Variants in SNX29 observed in about 807,000 individuals in gnomAD.
SNX29 encodes the protein sorting nexin-29.
SNX29 carries 78 observed loss-of-function variants against 102.1 expected under a neutral mutation model. That is an observed-to-expected ratio of 0.76 (90% confidence interval 0.64 to 0.92). The LOEUF (loss-of-function observed/expected upper bound fraction) is 0.92. Ranked by LOEUF, SNX29 falls within the 40% of genes least tolerant of loss-of-function variation. The pLI is 0.00. For missense variants in SNX29, 1,280 were observed against 1,061.7 expected (o/e 1.21, Z -2.86); for synonymous variants, 580 against 414.5 (o/e 1.40, Z -4.85).
At chr16:12,547,655 C>G (rs1242291543) in intron 20 of SNX29, among the ~76,000 whole-genome samples, 1 of 152,112 alleles carries the variant, frequency 6.6e-6, no homozygotes, top group African/African-American at 2.4e-5. Flanking sequence ...GATTCCCACC[C>G]CAAGCACCAT....
At chr16:12,205,130 A>G (rs981370270) in intron 14 of SNX29, among the ~76,000 whole-genome samples, 1 of 152,190 alleles carries the variant, frequency 6.6e-6, no homozygotes, top group African/African-American at 2.4e-5. Context: ...AATGATTCCT[A>G]GAGCCCACAG....
intron 3 of SNX29, among the ~76,000 whole-genome samples, chr16:12,027,041 G>A (rs551507402): frequency 1.4e-4 from 21 of 152,212 alleles, no homozygotes; most frequent in African/African-American, 4.1e-4. Context: ...GCTGGCACCC[G>A]TCCCTGTTCC....
rs556637666 is a variant in SNX29, at chr16:12,545,555, G to T, written c.2318+20714G>T. 3 of 152,360 alleles carry T rather than the reference G, an allele frequency of 2.0e-5. No homozygotes were observed. The East Asian group carries it at 5.8e-4, about 30-fold the overall frequency. The allele number at this position is 152,360 out of a possible 1,614,324, so 9.4% of individuals were successfully genotyped here. On this transcript the variant is annotated intron_variant, in intron 20 of 20. Coordinates refer to ENST00000566228, the MANE Select transcript of SNX29 (RefSeq NM_032167.5). ...CCTTTGCCAGCAGACGACTTATGGA[G>T]AAACGTTTGAGTAGATGGAGGAACC...
At chr16:12,404,278 G>T (rs1411126148) in intron 18 of SNX29, among the ~76,000 whole-genome samples, 2 of 152,168 alleles carry the variant, frequency 1.3e-5, no homozygotes, top group Admixed American at 1.3e-4. Flanking sequence ...AGTGTCTGGG[G>T]CAGCGAAATG....
chr16:12,305,440 C>A, intron 15 of SNX29, among the ~76,000 whole-genome samples: 1 of 152,210 alleles, frequency 6.6e-6, no homozygotes, highest in East Asian at 1.9e-4. Context: ...CTGCCAGTGA[C>A]TGTGACACTG....
chr16:12,161,483 G>T (rs1449110122), intron 13 of SNX29, among the ~76,000 whole-genome samples: 2 of 152,210 alleles, frequency 1.3e-5, no homozygotes, highest in Non-Finnish European at 2.9e-5. Context: ...CTGCCCAATT[G>T]ATGCTGGGCT....
At chr16:12,238,873 C>A (rs898046105) in intron 14 of SNX29, among the ~76,000 whole-genome samples, 1 of 152,214 alleles carries the variant, frequency 6.6e-6, no homozygotes, top group African/African-American at 2.4e-5. Context: ...GCTCTACCAT[C>A]CTTAGCTGTG....
intron 3 of SNX29, 33 bp downstream of exon 3, chr16:12,003,076 CGAGGTTGGAAAG>C: frequency 6.2e-7 from 1 of 1,613,618 alleles, no homozygotes; most frequent in East Asian, 2.2e-5. Flanking sequence ...CGTTGACCAT[CGAGGTTGGAAAG>C]GCGGCAGAAG....
At chr16:11,992,202 G>GCAC (rs1262467101) in intron 1 of SNX29, among the ~76,000 whole-genome samples, 1 of 152,138 alleles carries the variant, frequency 6.6e-6, no homozygotes, top group Non-Finnish European at 1.5e-5. Flanking sequence ...GCTGAGGTGG[G>GCAC]AGGACTGCTT....
intron 1 of SNX29, among the ~76,000 whole-genome samples, chr16:11,981,034 C>G (rs28600123): frequency 2.0e-5 from 3 of 150,814 alleles, no homozygotes; most frequent in Non-Finnish European, 2.9e-5. Context: ...AGTGAGAAAT[C>G]TCGTCTCACT....
In SNX29 at chr16:12,570,740, A is replaced by C. The variant is rs2079170040; in HGVS notation, c.*2111A>C. On this transcript the variant is annotated 3_prime_UTR_variant, in exon 21 of 21. Transcript: ENST00000566228. The stretch of plus-strand genomic sequence containing the variant: ...GAATTGGTCTCTCTCCAGATACCCC[A>C]CGAGGAAGCACCTTGGACATTCTGC... The C allele has an allele frequency of 4.3e-6, 1 of 232,098 alleles. No homozygotes were observed. 14.4% of individuals were successfully genotyped at this position (232,098 alleles called of 1,614,324 possible). A position where few individuals can be genotyped will look rare whatever the true frequency, so the allele number is the denominator to read the frequency against.
chr16:12,387,942 T>C (rs1261622267), intron 16 of SNX29, among the ~76,000 whole-genome samples: 1 of 152,216 alleles, frequency 6.6e-6, no homozygotes, highest in Non-Finnish European at 1.5e-5. Context: ...TTTGCTTTTA[T>C]CTGCAAATTA....
At chr16:12,423,324 C>G (rs2084939448) in intron 18 of SNX29, among the ~76,000 whole-genome samples, 2 of 152,244 alleles carry the variant, frequency 1.3e-5, no homozygotes, top group East Asian at 3.9e-4. Context: ...GGCTCACAGA[C>G]CGTCTCTACC....
At chr16:12,567,510 C>T (rs1208376840) in intron 20 of SNX29, among the ~76,000 whole-genome samples, 6 of 152,162 alleles carry the variant, frequency 3.9e-5, no homozygotes, top group Admixed American at 1.3e-4. Context: ...ATTGGCCAGG[C>T]ACAGTGGCTC....
At chr16:12,139,979 TCAA>T (rs1196479434) in intron 13 of SNX29, among the ~76,000 whole-genome samples, 6 of 63,058 alleles carry the variant, frequency 9.5e-5, no homozygotes, top group African/African-American at 3.2e-4. Flanking sequence ...ATACCCTGTC[TCAA>T]AAAAAAAAAA....
chr16:12,518,314 C>G (rs1000238079), intron 19 of SNX29, among the ~76,000 whole-genome samples: 18 of 152,176 alleles, frequency 1.2e-4, no homozygotes, highest in African/African-American at 3.9e-4. Context: ...TACTGCTGCT[C>G]ACACTGCAGT....
intron 3 of SNX29, among the ~76,000 whole-genome samples, chr16:12,018,585 GA>G (rs1332146892): frequency 4.7e-4 from 64 of 137,378 alleles, no homozygotes; most frequent in South Asian, 6.9e-4. Flanking sequence ...TCTGTCTCAA[GA>G]AAAAAAAAAA....
At chr16:12,299,380 T>C (rs1191018400) in intron 15 of SNX29, among the ~76,000 whole-genome samples, 1 of 152,256 alleles carries the variant, frequency 6.6e-6, no homozygotes, top group Non-Finnish European at 1.5e-5. Context: ...CTTTGTGATA[T>C]TCAAGTTGTC....
intron 8 of SNX29, among the ~76,000 whole-genome samples, chr16:12,055,057 G>C (rs562128701): frequency 1.3e-5 from 2 of 152,222 alleles, no homozygotes; most frequent in East Asian, 3.9e-4. Flanking sequence ...CTTGTGACCT[G>C]CTGTGTTATT....
Sources: gnomAD v4.1 joint callset for allele counts (sites outside exome capture counted in the v4.1 genomes callset) on GRCh38, gnomAD v4.1.1 for gene constraint, MANE v1.5 for transcripts, NCBI Gene and HGNC (gene_info 2026-07-23, HGNC 2026-07-21) for gene names.